Variants in RTN1 observed in about 807,000 individuals in gnomAD.
RTN1 encodes reticulon-1.
In RTN1, 25 loss-of-function variants were observed where a neutral mutation model predicts 65.5. The observed-to-expected ratio is 0.38, with a 90% CI of 0.28 to 0.53. The LOEUF (loss-of-function observed/expected upper bound fraction) is 0.53. RTN1 is among the 20% of genes least tolerant of loss of function. The pLI, the probability that RTN1 is intolerant of heterozygous loss-of-function variation, is 0.79. For synonymous variants in RTN1, 471 were observed against 447.6 expected (o/e 1.05, Z -0.66); for missense variants, 983 against 1,025.4 (o/e 0.96, Z 0.57).
At chr14:59,750,306 A>AT (rs1885454669) in intron 1 of RTN1, among the ~76,000 whole-genome samples, 2 of 25,428 alleles carry the variant, frequency 7.9e-5, no homozygotes, top group African/African-American at 1.7e-4. Context: ...TATAATATAT[A>AT]ATATATAATA....
At chr14:59,728,164 C>T (rs1884820510) in intron 2 of RTN1, among the ~76,000 whole-genome samples, 1 of 152,022 alleles carries the variant, frequency 6.6e-6, no homozygotes, top group African/African-American at 2.4e-5. Context: ...TTTATATCCT[C>T]TCCTTTAGCA....
intron 1 of RTN1, among the ~76,000 whole-genome samples, chr14:59,756,580 A>T (rs897550790): frequency 6.6e-6 from 1 of 152,182 alleles, no homozygotes; most frequent in Non-Finnish European, 1.5e-5. Context: ...GTAAATAATT[A>T]CCTTTGGAAT....
intron 3 of RTN1, among the ~76,000 whole-genome samples, chr14:59,642,397 ATTCC>A (rs1882799380): frequency 6.6e-6 from 1 of 152,140 alleles, no homozygotes; most frequent in Non-Finnish European, 1.5e-5. Context: ...TTCTTCAAAT[ATTCC>A]TTCCGACCCA....
chr14:59,622,249 G>A (rs538792689), intron 3 of RTN1, among the ~76,000 whole-genome samples: 4 of 152,324 alleles, frequency 2.6e-5, no homozygotes, highest in African/African-American at 9.6e-5. Context: ...GCTGAGGCAG[G>A]AGAATCACTT....
intron 3 of RTN1, among the ~76,000 whole-genome samples, chr14:59,687,279 C>T (rs1251246005): frequency 6.6e-6 from 1 of 152,070 alleles, no homozygotes. Flanking sequence ...GTCTGAGCCA[C>T]CCCACCCTTC....
At chr14:59,771,211 C>A (rs958461174) in intron 1 of RTN1, among the ~76,000 whole-genome samples, 1 of 152,082 alleles carries the variant, frequency 6.6e-6, no homozygotes, top group Non-Finnish European at 1.5e-5. Context: ...ATATTTTGAT[C>A]TCATATTTGC....
chr14:59,621,992 C>T (rs1272625993), intron 3 of RTN1, among the ~76,000 whole-genome samples: 1 of 152,182 alleles, frequency 6.6e-6, no homozygotes, highest in Non-Finnish European at 1.5e-5. Flanking sequence ...GAAAATACTT[C>T]AGGCAGCACT....
At chr14:59,767,840 C>T (rs972348002) in intron 1 of RTN1, among the ~76,000 whole-genome samples, 5 of 152,196 alleles carry the variant, frequency 3.3e-5, no homozygotes, top group Admixed American at 3.3e-4. Context: ...AAATACTATA[C>T]ACTTGCATAA....
intron 3 of RTN1, among the ~76,000 whole-genome samples, chr14:59,716,584 C>T (rs776454307): frequency 6.6e-5 from 10 of 152,022 alleles, no homozygotes; most frequent in Non-Finnish European, 1.0e-4. Flanking sequence ...AACAGTACAG[C>T]GATGTGAACA....
intron 1 of RTN1, among the ~76,000 whole-genome samples, chr14:59,833,341 T>A (rs144780856): frequency 9.1e-4 from 138 of 152,228 alleles, no homozygotes; most frequent in African/African-American, 3.2e-3. Context: ...TCCAAATGAA[T>A]TCCTATGGGC....
At chr14:59,715,275 G>T (rs1039525838) in intron 3 of RTN1, among the ~76,000 whole-genome samples, 1 of 152,196 alleles carries the variant, frequency 6.6e-6, no homozygotes, top group East Asian at 1.9e-4. Context: ...CTTTCTCAGA[G>T]AACTTTGCCC....
At chr14:59,791,733 C>T (rs1049141106) in intron 1 of RTN1, among the ~76,000 whole-genome samples, 3 of 152,176 alleles carry the variant, frequency 2.0e-5, no homozygotes, top group Non-Finnish European at 4.4e-5. Context: ...GTCCTTTGTC[C>T]TCCACTCCGC....
chr14:59,670,670 A>G (rs1883483488), intron 3 of RTN1, among the ~76,000 whole-genome samples: 1 of 152,172 alleles, frequency 6.6e-6, no homozygotes. Context: ...CAGTACCTCC[A>G]TAGCATATAC....
At chr14:59,793,736 T>C (rs889482239) in intron 1 of RTN1, among the ~76,000 whole-genome samples, 3 of 151,976 alleles carry the variant, frequency 2.0e-5, no homozygotes, top group South Asian at 2.1e-4. Context: ...TTAGACTCTT[T>C]TAAGAGTTGT....
chr14:59,827,172 G>A (rs1270468103), intron 1 of RTN1, among the ~76,000 whole-genome samples: 1 of 152,040 alleles, frequency 6.6e-6, no homozygotes, highest in Non-Finnish European at 1.5e-5. Context: ...TCTGTCTCCC[G>A]GGTTCACGCC....
intron 3 of RTN1, among the ~76,000 whole-genome samples, chr14:59,671,096 C>A (rs1039139538): frequency 1.4e-4 from 21 of 151,934 alleles, no homozygotes; most frequent in African/African-American, 4.4e-4. Context: ...TGTGTGGGTA[C>A]ATATGGAAGT....
At chr14:59,735,547 A>G (rs1036609694) in intron 2 of RTN1, among the ~76,000 whole-genome samples, 4 of 152,220 alleles carry the variant, frequency 2.6e-5, no homozygotes, top group African/African-American at 9.6e-5. Flanking sequence ...AGGAAAATTT[A>G]CCAAGCAAAT....
chr14:59,751,406 G>A (rs1016761658), intron 1 of RTN1, among the ~76,000 whole-genome samples: 4 of 152,032 alleles, frequency 2.6e-5, no homozygotes, highest in East Asian at 1.9e-4. Context: ...TATGGGCTCA[G>A]CTTATAGGTA....
chr14:59,822,879 GTTT>G (rs56360537), intron 1 of RTN1, among the ~76,000 whole-genome samples: 1 of 142,976 alleles, frequency 7.0e-6, no homozygotes, highest in Non-Finnish European at 1.5e-5. Context: ...TATAATTTGG[GTTT>G]TTTTTTTTTT....
Sources: gnomAD v4.1 joint callset for allele counts (sites outside exome capture counted in the v4.1 genomes callset) on GRCh38, gnomAD v4.1.1 for gene constraint, MANE v1.5 for transcripts, NCBI Gene and HGNC (gene_info 2026-07-23, HGNC 2026-07-21) for gene names.